The following RFX4 variants were observed in gnomAD, a reference collection of about 807,000 sequenced individuals.
RFX4 encodes the protein transcription factor RFX4.
A neutral mutation model predicts 95.0 loss-of-function variants in RFX4; 10 were observed. That is an observed-to-expected ratio of 0.11 (90% CI 0.06 to 0.18). The LOEUF (loss-of-function observed/expected upper bound fraction) is 0.18, where lower values mean the gene tolerates loss of function less well. Among genes scored for constraint, RFX4 ranks in the 10% least tolerant of loss-of-function variants. RFX4 has a pLI of 1.00. For missense variants in RFX4, 640 were observed against 922.0 expected (o/e 0.69, Z 3.96); for synonymous variants, 321 against 340.7 (o/e 0.94, Z 0.64).
intron 2 of RFX4, among the ~76,000 whole-genome samples, chr12:106,629,806 C>T (rs1383748410): frequency 6.6e-6 from 1 of 152,036 alleles, no homozygotes; most frequent in Non-Finnish European, 1.5e-5. Flanking sequence ...TTTGTAGAGA[C>T]GGGGTCTCAC....
chr12:106,734,297 C>T (rs1363646213), intron 15 of RFX4, among the ~76,000 whole-genome samples: 2 of 152,092 alleles, frequency 1.3e-5, no homozygotes, highest in Non-Finnish European at 2.9e-5. Flanking sequence ...TTGAACTGTA[C>T]ACTTGAAAAT....
chr12:106,732,577 G>C (rs748887817), intron 14 of RFX4, among the ~76,000 whole-genome samples: 1 of 152,110 alleles, frequency 6.6e-6, no homozygotes, highest in Non-Finnish European at 1.5e-5. Context: ...GTGCACAACT[G>C]TAGTCCCAGC....
At chr12:106,621,386 G>A (rs542443999) in intron 2 of RFX4, among the ~76,000 whole-genome samples, 6 of 152,264 alleles carry the variant, frequency 3.9e-5, no homozygotes, top group Admixed American at 1.3e-4. Flanking sequence ...GTCAAGCCTT[G>A]CTTAAGTCTA....
chr12:106,590,744 A>C (rs1471174342), intron 1 of RFX4, among the ~76,000 whole-genome samples: 1 of 152,234 alleles, frequency 6.6e-6, no homozygotes, highest in Non-Finnish European at 1.5e-5. Flanking sequence ...CAAGAGTTGG[A>C]GACCAGCCTG....
intron 2 of RFX4, among the ~76,000 whole-genome samples, chr12:106,628,032 C>T (rs1467057604): frequency 6.6e-6 from 1 of 152,172 alleles, no homozygotes; most frequent in Non-Finnish European, 1.5e-5. Context: ...GGCTGGGAAC[C>T]CAGGTTCGAG....
chr12:106,623,485 T>C (rs2040226967), intron 2 of RFX4, among the ~76,000 whole-genome samples: 1 of 152,184 alleles, frequency 6.6e-6, no homozygotes, highest in South Asian at 2.1e-4. Flanking sequence ...GGAGTGTCAA[T>C]ATTTGATTGT....
chr12:106,743,456 G>A (rs570179852), intron 15 of RFX4, among the ~76,000 whole-genome samples: 1 of 152,292 alleles, frequency 6.6e-6, no homozygotes, highest in East Asian at 1.9e-4. Flanking sequence ...GCTTAAGCCT[G>A]CCTGAGTGGA....
rs373940739 is a variant in RFX4 at position 106,641,936 on chromosome 12, T to C, written c.191+2544T>C. Among the ~76,000 whole-genome samples, 38 of 151,292 alleles carry C rather than the reference T, an allele frequency of 2.5e-4. 1 individual carries two copies. The South Asian group carries it at 7.8e-3, about 31-fold the overall frequency. ...ACAGGGGAAAAAGGGGAAATATCTA[T>C]ATCTATGTCTATATCTATCTATATC... On this transcript the variant is annotated intron_variant, in intron 3 of 17. Coordinates refer to ENST00000392842, the MANE Select transcript of RFX4 (RefSeq NM_213594.3).
intron 1 of RFX4, among the ~76,000 whole-genome samples, chr12:106,591,130 CTTCT>C (rs772100164): frequency 8.6e-5 from 13 of 152,042 alleles, no homozygotes; most frequent in East Asian, 5.8e-4. Flanking sequence ...ACAATCTCTT[CTTCT>C]TTCTTTCTTT....
chr12:106,727,512 TAGAA>T (rs1457912305), intron 13 of RFX4, among the ~76,000 whole-genome samples: 2 of 151,972 alleles, frequency 1.3e-5, no homozygotes, highest in African/African-American at 2.4e-5. Flanking sequence ...ATAGAAGAAT[TAGAA>T]AGGAAAACAC....
intron 5 of RFX4, among the ~76,000 whole-genome samples, chr12:106,684,354 G>A (rs891725768): frequency 4.6e-5 from 7 of 152,112 alleles, no homozygotes; most frequent in Admixed American, 4.6e-4. Flanking sequence ...GTGACAGAGC[G>A]AGACCTGTCT....
intron 2 of RFX4, among the ~76,000 whole-genome samples, chr12:106,634,391 G>A (rs1304283135): frequency 1.3e-5 from 2 of 152,090 alleles, no homozygotes; most frequent in Admixed American, 6.6e-5. Flanking sequence ...CTCCTGGCCG[G>A]CCAGGCACAG....
rs887878712 is a variant in RFX4, at chr12:106,684,685, C to T, written c.378-2199C>T. On this transcript the variant is annotated intron_variant, in intron 5 of 17. Coordinates refer to ENST00000392842, the MANE Select transcript of RFX4 (RefSeq NM_213594.3). ...CTGAAGCCACCGGAACCATGCTCCT[C>T]CCCCACCCACAGAGTGAGTTCCAGG... 3 of 1,464,602 alleles carry T rather than the reference C, an allele frequency of 2.0e-6. No individual in the cohort carries two copies. The African/African-American group carries it at 4.2e-5, about 21-fold the overall frequency. The allele number at this position is 1,464,602 out of a possible 1,614,324, so 90.7% of individuals were successfully genotyped here.
intron 1 of RFX4, chr12:106,601,054 G>T: frequency 8.7e-7 from 1 of 1,145,072 alleles, no homozygotes; most frequent in Non-Finnish European, 1.2e-6. Context: ...ATCAATATTT[G>T]GTAAATGAGG....
At chr12:106,592,707 A>C (rs2039566404) in intron 1 of RFX4, among the ~76,000 whole-genome samples, 1 of 148,620 alleles carries the variant, frequency 6.7e-6, no homozygotes, top group Non-Finnish European at 1.5e-5. Context: ...GGTTTTCAGG[A>C]AGTAGAAAAC....
At chr12:106,641,860 G>A (rs1199751506) in intron 3 of RFX4, among the ~76,000 whole-genome samples, 1 of 152,066 alleles carries the variant, frequency 6.6e-6, no homozygotes, top group Non-Finnish European at 1.5e-5. Context: ...CCTTGTTCTA[G>A]GCTCTGGAAA....
chr12:106,654,500 C>T, intron 4 of RFX4, 149 bp downstream of exon 4: 3 of 885,844 alleles, frequency 3.4e-6, no homozygotes, highest in Admixed American at 3.4e-5. Flanking sequence ...CACTGTAATA[C>T]TTTGCTATCA....
At position 106,750,642 on chromosome 12, in the gene RFX4, T is replaced by C. The variant is rs761837347; in HGVS notation, c.1797-13T>C. ...TATTACTCACACTATTCAATGTGCT[T>C]GATGCATTTTAGATACACGGGAAGC... On this transcript the variant is annotated splice_polypyrimidine_tract_variant and intron_variant, in intron 16 of 17. Coordinates refer to ENST00000392842, the MANE Select transcript of RFX4 (RefSeq NM_213594.3). 7 of 1,590,162 alleles carry C rather than the reference T, an allele frequency of 4.4e-6. No individual in the cohort carries two copies. The South Asian group carries it at 5.7e-5, about 13-fold the overall frequency.
chr12:106,743,726 T>C (rs1404410356), intron 15 of RFX4, among the ~76,000 whole-genome samples: 2 of 152,200 alleles, frequency 1.3e-5, no homozygotes, highest in Non-Finnish European at 2.9e-5. Flanking sequence ...TGTTGCATTC[T>C]CTCAGGTGAT....
Sources: allele counts gnomAD v4.1 joint callset (sites outside exome capture counted in the v4.1 genomes callset), GRCh38; gene constraint gnomAD v4.1.1; transcripts MANE v1.5; gene names NCBI Gene and HGNC (gene_info 2026-07-23, HGNC 2026-07-21).